Variants in CBFA2T2 observed in about 807,000 individuals in gnomAD.
CBFA2T2 encodes protein CBFA2T2.
CBFA2T2 carries 11 observed loss-of-function variants against 62.2 expected under a neutral mutation model. The ratio of observed to expected loss-of-function variants is 0.18; its 90% CI spans 0.11 to 0.29. The LOEUF (loss-of-function observed/expected upper bound fraction) is 0.29. Ranked by LOEUF, CBFA2T2 falls within the 10% of genes least tolerant of loss-of-function variation. The pLI, the probability that CBFA2T2 is intolerant of heterozygous loss-of-function variation, is 1.00. For missense variants in CBFA2T2, 592 were observed against 774.1 expected (o/e 0.76, Z 2.79); for synonymous variants, 295 against 287.5 (o/e 1.03, Z -0.27).
At chr20:33,542,825 C>A (rs2012442374) in intron 1 of CBFA2T2, among the ~76,000 whole-genome samples, 1 of 151,910 alleles carries the variant, frequency 6.6e-6, no homozygotes, top group African/African-American at 2.4e-5. Flanking sequence ...GCATATGCGG[C>A]CACACCTGAC....
At chr20:33,610,520 G>C (rs1307678104) in intron 2 of CBFA2T2, among the ~76,000 whole-genome samples, 3 of 152,208 alleles carry the variant, frequency 2.0e-5, no homozygotes, top group Admixed American at 2.0e-4. Flanking sequence ...GCACTGTTAA[G>C]GCAGAGAGTA....
intron 1 of CBFA2T2, among the ~76,000 whole-genome samples, chr20:33,507,229 C>T (rs562587948): frequency 6.6e-6 from 1 of 152,174 alleles, no homozygotes; most frequent in Non-Finnish European, 1.5e-5. Context: ...TATTGAATTC[C>T]TTGTATCAGA....
chr20:33,536,973 G>C (rs1426204326), intron 1 of CBFA2T2, among the ~76,000 whole-genome samples: 3 of 151,416 alleles, frequency 2.0e-5, no homozygotes, highest in Admixed American at 1.3e-4. Context: ...ACGGGATGGC[G>C]GCCGGGAAGA....
intron 6 of CBFA2T2, among the ~76,000 whole-genome samples, chr20:33,626,397 C>T (rs761607039): frequency 1.3e-5 from 2 of 152,200 alleles, no homozygotes; most frequent in Non-Finnish European, 2.9e-5. Context: ...GTTGCTTGGG[C>T]TCTCTGAGCC....
rs1197343163 is a variant in CBFA2T2, at chr20:33,580,446, C to T, written c.35-26510C>T. ...TCCAGAGGCTTACAACCTAAGAGGC[C>T]GAAATTGGCCTCTTCTGAAACAAAA... On this transcript the variant is annotated intron_variant, in intron 1 of 10. Coordinates refer to ENST00000342704, the MANE Select transcript of CBFA2T2 (RefSeq NM_001032999.3). Among the ~76,000 whole-genome samples the T allele has an allele frequency of 2.6e-5, 4 of 152,094 alleles. No individual in the cohort carries two copies. The East Asian group carries it at 7.7e-4, about 29-fold the overall frequency.
At position 33,649,104 on chromosome 20, in the gene CBFA2T2, C is replaced by G. The variant is rs2017156339; in HGVS notation, c.*4458C>G. The G allele has an allele frequency of 6.6e-6, 1 of 152,128 alleles. No individual in the cohort carries two copies. The highest frequency in any genetic ancestry group is 2.4e-5 in the African/African-American group (1 of 41,454). The allele number at this position is 152,128 out of a possible 1,614,324, so 9.4% of individuals were successfully genotyped here. A position where few individuals can be genotyped will look rare whatever the true frequency, so the allele number is the denominator to read the frequency against. On this transcript the variant is annotated 3_prime_UTR_variant, in exon 11 of 11. Transcript: ENST00000342704. ...CACTTCTTGGAGGCTTTCTTCAGAA[C>G]TGAACTAGAAACAAGGTTTCCAGGC...
intron 1 of CBFA2T2, among the ~76,000 whole-genome samples, chr20:33,510,476 G>A (rs1452966532): frequency 6.6e-6 from 1 of 152,102 alleles, no homozygotes; most frequent in African/African-American, 2.4e-5. Flanking sequence ...CTCTGGAAGT[G>A]CTGGGATTAC....
intron 5 of CBFA2T2, among the ~76,000 whole-genome samples, 162 bp downstream of exon 5, chr20:33,623,458 T>C (rs1457647978): frequency 1.3e-5 from 2 of 152,216 alleles, no homozygotes; most frequent in East Asian, 1.9e-4. Context: ...AGTGGTGCAA[T>C]CTTTGCTCCC....
chr20:33,502,043 A>G (rs1277407697), intron 1 of CBFA2T2, among the ~76,000 whole-genome samples: 1 of 152,148 alleles, frequency 6.6e-6, no homozygotes, highest in African/African-American at 2.4e-5. Context: ...TCCCACCTCA[A>G]GCTCCGAAAG....
At chr20:33,498,325 C>T (rs1449833765) in intron 1 of CBFA2T2, among the ~76,000 whole-genome samples, 1 of 150,462 alleles carries the variant, frequency 6.6e-6, no homozygotes, top group African/African-American at 2.5e-5. Context: ...TGCAGTTGCT[C>T]ACTGCAACCT....
chr20:33,493,000 G>A (rs930600450), intron 1 of CBFA2T2, among the ~76,000 whole-genome samples: 8 of 150,076 alleles, frequency 5.3e-5, no homozygotes, highest in South Asian at 2.1e-4. Context: ...TGATCTGCCC[G>A]CCTCAGCCTC....
intron 7 of CBFA2T2, 75 bp downstream of exon 7, chr20:33,628,510 C>G (rs756329052): frequency 2.9e-6 from 3 of 1,035,976 alleles, no homozygotes; most frequent in Admixed American, 1.7e-5. Context: ...GCTCTGTCAC[C>G]CAGGATGGAG....
intron 1 of CBFA2T2, among the ~76,000 whole-genome samples, chr20:33,536,145 C>T (rs1479880656): frequency 2.0e-5 from 3 of 152,250 alleles, no homozygotes; most frequent in Admixed American, 6.5e-5. Flanking sequence ...TCCACAAAAC[C>T]GCCATTGTCA....
intron 1 of CBFA2T2, among the ~76,000 whole-genome samples, chr20:33,591,844 C>CA (rs899961290): frequency 1.0e-5 from 1 of 99,652 alleles, no homozygotes; most frequent in African/African-American, 3.9e-5. Context: ...TTCTACATCC[C>CA]AATTGTGGCG....
At chr20:33,494,579 C>T (rs973517451) in intron 1 of CBFA2T2, among the ~76,000 whole-genome samples, 1 of 150,988 alleles carries the variant, frequency 6.6e-6, no homozygotes, top group Non-Finnish European at 1.5e-5. Flanking sequence ...CCGCGCCCGG[C>T]CACTGTATTA....
chr20:33,490,444 C>T (rs2011138122), intron 1 of CBFA2T2, 143 bp downstream of exon 1: 1 of 886,442 alleles, frequency 1.1e-6, no homozygotes, highest in African/African-American at 1.7e-5. Flanking sequence ...CAAGGTCACG[C>T]AGCGGGGCGG....
At chr20:33,580,015 C>G (rs2014040647) in intron 1 of CBFA2T2, among the ~76,000 whole-genome samples, 2 of 152,004 alleles carry the variant, frequency 1.3e-5, no homozygotes, top group African/African-American at 4.8e-5. Context: ...CGGGGTTTCT[C>G]CATGTTGGTC....
intron 1 of CBFA2T2, among the ~76,000 whole-genome samples, chr20:33,545,207 G>A (rs144459630): frequency 4.1e-4 from 62 of 152,286 alleles, no homozygotes; most frequent in Middle Eastern, 3.4e-3. Context: ...CTTGGGGTAT[G>A]TTTTGAATCA....
At chr20:33,625,303 T>C (rs1035405642) in intron 6 of CBFA2T2, among the ~76,000 whole-genome samples, 9 of 152,092 alleles carry the variant, frequency 5.9e-5, no homozygotes, top group Non-Finnish European at 1.3e-4. Flanking sequence ...CTGGGCAACA[T>C]AGTGAGATCC....
Sources: gnomAD v4.1 joint callset for allele counts (sites outside exome capture counted in the v4.1 genomes callset) on GRCh38, gnomAD v4.1.1 for gene constraint, MANE v1.5 for transcripts, NCBI Gene and HGNC (gene_info 2026-07-23, HGNC 2026-07-21) for gene names.